The following CPED1 variants were observed in gnomAD, a reference collection of about 807,000 sequenced individuals.
CPED1 encodes cadherin like and PC-esterase domain containing 1.
Under a neutral mutation model 128.2 loss-of-function variants are expected in CPED1, and 114 were observed. The ratio of observed to expected loss-of-function variants is 0.89; its 90% CI spans 0.76 to 1.04. The LOEUF (loss-of-function observed/expected upper bound fraction) is 1.04. Among genes scored for constraint, CPED1 ranks in the 50% least tolerant of loss-of-function variants. CPED1 has a pLI of 0.00. For missense variants in CPED1, 1,211 were observed against 1,207.1 expected, an observed-to-expected ratio of 1.00 and a Z score of -0.05; for synonymous variants, 462 against 426.7, an observed-to-expected ratio of 1.08 and a Z score of -1.02.
In CPED1 at chr7:121,131,598, G is replaced by T. The variant is rs137985737; in HGVS notation, c.1577+1304G>T. On this transcript the variant is annotated intron_variant, in intron 12 of 22. Transcript: ENST00000310396. ...TCTCAAGCTCCATGTATGTTGTAAG[G>T]TTAAGCAGTGTTCTGATCTTAAATT... Among the ~76,000 whole-genome samples the T allele has an allele frequency of 6.8e-3, 1,038 of 151,652 alleles. 10 individuals are homozygous for T. Among genetic ancestry groups the T allele is most frequent in the Non-Finnish European group, 0.012 (798 of 67,870 alleles).
At chr7:121,274,481 C>T (rs566381413) in intron 22 of CPED1, among the ~76,000 whole-genome samples, 22 of 152,112 alleles carry the variant, frequency 1.4e-4, no homozygotes, top group Middle Eastern at 3.4e-3. Context: ...TGTAGGTCTC[C>T]GCCAAATTAT....
At position 121,178,488 on chromosome 7, in the gene CPED1, A is replaced by T. The variant is rs940214259; in HGVS notation, c.2055+36347A>T. Among the ~76,000 whole-genome samples, 3 of 152,022 alleles carry T rather than the reference A, an allele frequency of 2.0e-5. No individual in the cohort carries two copies. In the East Asian group the frequency reaches 5.8e-4, roughly 29 times the overall value. On this transcript the variant is annotated intron_variant, in intron 16 of 22. Transcript: ENST00000310396. ...AATGGGGGACAGCTTGATGAGAAAG[A>T]TCCACTTCAAGTACAATTGACGATG...
At chr7:121,190,339 C>T (rs982373368) in intron 16 of CPED1, among the ~76,000 whole-genome samples, 8 of 143,610 alleles carry the variant, frequency 5.6e-5, no homozygotes, top group African/African-American at 2.1e-4. Context: ...TTGCAGTGAG[C>T]CGAGATCGCG....
At chr7:121,255,059 T>A (rs1002035415) in intron 18 of CPED1, among the ~76,000 whole-genome samples, 3 of 152,060 alleles carry the variant, frequency 2.0e-5, no homozygotes, top group Non-Finnish European at 4.4e-5. Flanking sequence ...ACTCATTCTA[T>A]GAAGTTAGCA....
intron 17 of CPED1, among the ~76,000 whole-genome samples, chr7:121,242,670 A>G (rs1029985455): frequency 6.6e-6 from 1 of 151,790 alleles, no homozygotes; most frequent in Non-Finnish European, 1.5e-5. Flanking sequence ...AAGAAAAGGA[A>G]AAAATGGTGG....
At chr7:121,277,389 G>A (rs1277358156) in intron 22 of CPED1, among the ~76,000 whole-genome samples, 1 of 152,104 alleles carries the variant, frequency 6.6e-6, no homozygotes, top group Non-Finnish European at 1.5e-5. Flanking sequence ...GATGAGAGAT[G>A]GCACAGGGAG....
At chr7:121,152,143 GC>G (rs909862273) in intron 16 of CPED1, among the ~76,000 whole-genome samples, 26 of 152,174 alleles carry the variant, frequency 1.7e-4, no homozygotes, top group African/African-American at 6.0e-4. Context: ...AGCAGAGCAG[GC>G]CCCTACCCAG....
At chr7:121,187,000 T>C (rs1297443743) in intron 16 of CPED1, among the ~76,000 whole-genome samples, 1 of 152,226 alleles carries the variant, frequency 6.6e-6, no homozygotes, top group African/African-American at 2.4e-5. Flanking sequence ...CCCTGGGCTC[T>C]GGAGCACATT....
chr7:121,052,924 G>T (rs1271666116), intron 4 of CPED1, among the ~76,000 whole-genome samples: 1 of 151,592 alleles, frequency 6.6e-6, no homozygotes, highest in African/African-American at 2.4e-5. Context: ...TTGCCATGTT[G>T]GCCAGGCTGG....
chr7:121,008,324 A>G (rs1412105598), intron 2 of CPED1, among the ~76,000 whole-genome samples: 1 of 152,144 alleles, frequency 6.6e-6, no homozygotes, highest in Non-Finnish European at 1.5e-5. Flanking sequence ...ACTTAACAAG[A>G]TAATAAGTAG....
In CPED1 at chr7:121,211,838, C is replaced by T. The variant is rs148893406; in HGVS notation, c.2056-24876C>T. On this transcript the variant is annotated intron_variant, in intron 16 of 22. Coordinates refer to ENST00000310396, the MANE Select transcript of CPED1 (RefSeq NM_024913.5). ...ATTTTATCCTACAGAAGAATTGTGACAACTGCTTAATAGTAATGATCAAAT... is the reference window on the plus strand; with the variant it reads ...ATTTTATCCTACAGAAGAATTGTGATAACTGCTTAATAGTAATGATCAAAT... Among the ~76,000 whole-genome samples the T allele has an allele frequency of 2.1e-3, 320 of 152,152 alleles. 3 individuals are homozygous for T. The highest frequency in any genetic ancestry group is 6.8e-3 in the Middle Eastern group (2 of 294).
In CPED1 at chr7:121,074,509, G is replaced by GTTTTTT. The variant is rs1157885862; in HGVS notation, c.616+10209_616+10214dup. ...TTCCTTACTAATAAATTTCCTTTGTGTTTTTTTTTTTTTTTTTTGAGGGCA... is the reference window on the plus strand; with the variant it reads ...TTCCTTACTAATAAATTTCCTTTGTGTTTTTTTTTTTTTTTTTTTTTTTTGAGGGCA... On this transcript the variant is annotated intron_variant, in intron 5 of 22. Transcript: ENST00000310396. Among the ~76,000 whole-genome samples, 342 of 80,806 alleles carry GTTTTTT rather than the reference G, an allele frequency of 4.2e-3. 53 individuals carry two copies. The highest frequency in any genetic ancestry group is 0.012 in the African/African-American group (274 of 21,994). 53.0% of individuals were successfully genotyped at this position (80,806 alleles called of 152,430 possible).
At chr7:121,050,289 C>T (rs1258205444) in intron 4 of CPED1, 1 of 152,224 alleles carries the variant, frequency 6.6e-6, no homozygotes, top group Non-Finnish European at 1.5e-5. Context: ...GCTTCCTTGC[C>T]TTTCTCTCGC....
At chr7:121,017,297 G>A (rs1792327416) in intron 3 of CPED1, among the ~76,000 whole-genome samples, 1 of 152,102 alleles carries the variant, frequency 6.6e-6, no homozygotes, top group South Asian at 2.1e-4. Context: ...GGAAAGCTCT[G>A]GAGTATTATG....
At chr7:121,202,338 A>G (rs533091122) in intron 16 of CPED1, among the ~76,000 whole-genome samples, 92 of 152,272 alleles carry the variant, frequency 6.0e-4, no homozygotes, top group African/African-American at 2.2e-3. Flanking sequence ...GCAACCAGTC[A>G]TTGGAGACAG....
At chr7:121,248,511 T>C (rs964805731) in intron 18 of CPED1, among the ~76,000 whole-genome samples, 11 of 150,412 alleles carry the variant, frequency 7.3e-5, no homozygotes, top group African/African-American at 2.7e-4. Flanking sequence ...CTAACACATA[T>C]TACTTTTATA....
chr7:121,027,370 T>C (rs1792617944), intron 3 of CPED1, among the ~76,000 whole-genome samples: 1 of 152,150 alleles, frequency 6.6e-6, no homozygotes, highest in South Asian at 2.1e-4. Flanking sequence ...CATCTATTTA[T>C]ATGGTATTCT....
chr7:121,211,196 A>G (rs1463503736), intron 16 of CPED1, among the ~76,000 whole-genome samples: 2 of 152,040 alleles, frequency 1.3e-5, no homozygotes, highest in African/African-American at 4.8e-5. Context: ...AAAAATAATG[A>G]CCAACCTATT....
chr7:121,214,630 AT>A (rs1315418266), intron 16 of CPED1, among the ~76,000 whole-genome samples: 1 of 152,010 alleles, frequency 6.6e-6, no homozygotes, highest in Non-Finnish European at 1.5e-5. Flanking sequence ...ATAAACATGT[AT>A]AAAAATGTGA....
Sources: gnomAD v4.1 joint callset for allele counts (sites outside exome capture counted in the v4.1 genomes callset) on GRCh38, gnomAD v4.1.1 for gene constraint, MANE v1.5 for transcripts, NCBI Gene and HGNC (gene_info 2026-07-23, HGNC 2026-07-21) for gene names.